The following DSE variants were observed in gnomAD, a reference collection of about 807,000 sequenced individuals.
The protein encoded by DSE is dermatan sulfate epimerase.
A neutral mutation model predicts 84.4 loss-of-function variants in DSE; 36 were observed. The observed-to-expected ratio is 0.43, with a 90% CI of 0.33 to 0.56. The LOEUF (loss-of-function observed/expected upper bound fraction) is 0.56, where lower values mean the gene tolerates loss of function less well. Among genes scored for constraint, DSE ranks in the 20% least tolerant of loss-of-function variants. The pLI, the probability that DSE is intolerant of heterozygous loss-of-function variation, is 0.06. For synonymous variants in DSE, 410 were observed against 430.1 expected (o/e 0.95, Z 0.58); for missense variants, 862 against 1,169.6 (o/e 0.74, Z 3.84).
chr6:116,297,659 T>C (rs962412192), intron 2 of DSE, among the ~76,000 whole-genome samples: 4 of 152,206 alleles, frequency 2.6e-5, no homozygotes, highest in South Asian at 4.1e-4. Flanking sequence ...TTTATCTACT[T>C]CCAAGGTTCT....
chr6:116,358,721 A>G (rs1482355222), intron 2 of DSE, among the ~76,000 whole-genome samples: 5 of 152,224 alleles, frequency 3.3e-5, no homozygotes, highest in African/African-American at 1.2e-4. Flanking sequence ...TCTATTTGCT[A>G]CAGTTTCCTT....
chr6:116,369,825 A>G, upstream of DSE: 1 of 1,066,168 alleles, frequency 9.4e-7, no homozygotes, highest in Admixed American at 2.5e-5. Flanking sequence ...GGCCAAATAG[A>G]AGTGAGAACC....
intron 2 of DSE, among the ~76,000 whole-genome samples, chr6:116,285,313 G>A (rs1773821014): frequency 6.6e-6 from 1 of 152,184 alleles, no homozygotes; most frequent in Admixed American, 6.5e-5. Flanking sequence ...CTGTATAAAT[G>A]TCTTCTTTTG....
intron 1 of DSE, among the ~76,000 whole-genome samples, chr6:116,378,431 G>A (rs1418196497): frequency 3.3e-5 from 5 of 152,014 alleles, no homozygotes; most frequent in African/African-American, 1.2e-4. Flanking sequence ...TTACATAGAA[G>A]ATGCCTTTAC....
chr6:116,332,345 A>G (rs1776999070), intron 2 of DSE, among the ~76,000 whole-genome samples: 1 of 151,606 alleles, frequency 6.6e-6, no homozygotes, highest in Non-Finnish European at 1.5e-5. Context: ...TTTAGATCCA[A>G]AGAAATTCAA....
chr6:116,316,799 T>TTTC (rs886298064), intron 2 of DSE, among the ~76,000 whole-genome samples: 78 of 143,520 alleles, frequency 5.4e-4, no homozygotes, highest in African/African-American at 2.0e-3. Flanking sequence ...TTTTTGCTTA[T>TTTC]TTCTTCTTCT....
upstream of DSE, chr6:116,366,168 G>A (rs557045016): frequency 6.6e-6 from 1 of 152,348 alleles, no homozygotes; most frequent in Non-Finnish European, 1.5e-5. Context: ...ATGAGAAAGT[G>A]GAACTCAACA....
chr6:116,321,751 G>A (rs1020665698), intron 2 of DSE, among the ~76,000 whole-genome samples: 3 of 152,170 alleles, frequency 2.0e-5, no homozygotes, highest in Non-Finnish European at 4.4e-5. Flanking sequence ...TCCAGCCCGG[G>A]TGGACAGTGT....
intron 2 of DSE, among the ~76,000 whole-genome samples, chr6:116,360,373 A>C: frequency 6.6e-6 from 1 of 151,210 alleles, no homozygotes; most frequent in South Asian, 2.1e-4. Context: ...AAGGTAAGGA[A>C]TATTTATCTG....
chr6:116,433,941 T>C (rs574724810), intron 5 of DSE, among the ~76,000 whole-genome samples: 2 of 152,184 alleles, frequency 1.3e-5, no homozygotes, highest in African/African-American at 4.8e-5. Context: ...TTTTACATCA[T>C]TTTTTGAAAG....
intron 2 of DSE, among the ~76,000 whole-genome samples, chr6:116,363,974 T>C (rs559014555): frequency 2.5e-4 from 38 of 152,362 alleles, no homozygotes; most frequent in African/African-American, 8.4e-4. Flanking sequence ...AAAGAAAATC[T>C]GGCTAGGAAT....
chr6:116,435,590 T>C lies in DSE; in HGVS notation c.1122T>C (p.Tyr374=). 6.4e-7 allele frequency: 1 copy of C among 1,569,346 alleles called. No homozygotes were observed. The highest frequency in any genetic ancestry group is 8.6e-7 in the Non-Finnish European group (1 of 1,158,962). The part of the protein sequence containing the change: ...WCTLHTEFLW[Y]DGSLKSVPPP... ...AATTTTTCAAAATTAATTTCAGGTA[T>C]GATGGCAGCTTGAAATCGGTTCCTC... Residue 374 remains tyrosine (Y), a synonymous_variant, in exon 6 of 6, where the codon TAT becomes TAC. Transcript: ENST00000644252.
At chr6:116,414,973 G>T (rs1012599444) in intron 2 of DSE, among the ~76,000 whole-genome samples, 2 of 152,164 alleles carry the variant, frequency 1.3e-5, no homozygotes, top group African/African-American at 4.8e-5. Flanking sequence ...AAGTAATGCT[G>T]CATCTTTTTG....
At chr6:116,258,885 C>G (rs1461826488) in exon 2 of DSE, 2 of 1,605,664 alleles carry the variant, frequency 1.2e-6, no homozygotes, top group Non-Finnish European at 1.7e-6. Context: ...AGCCGTGCAT[C>G]ATCATGGAGT....
chr6:116,399,266 C>A lies in DSE; in HGVS notation c.16C>A (p.Arg6=), dbSNP rs778735094. 2.9e-5 allele frequency: 46 copies of A among 1,613,762 alleles called. No individual in the cohort carries two copies. The highest frequency in any genetic ancestry group is 3.7e-5 in the Non-Finnish European group (44 of 1,180,040). MRTHT[R]GAPSVFFIYL... is the part of the protein sequence containing the mutation. Reference sequence around the variant, plus strand: ...TGATGCCACGATGAGGACTCACACACGGGGGGCTCCCAGTGTGTTTTTCAT... The same window carrying A: ...TGATGCCACGATGAGGACTCACACAAGGGGGGCTCCCAGTGTGTTTTTCAT... The change falls in exon 2 of 6, where the codon CGG becomes AGG. Residue 6 remains arginine (R), a synonymous_variant. Transcript: ENST00000644252.
At chr6:116,279,886 C>G (rs946182426) in intron 2 of DSE, 29 of 1,612,036 alleles carry the variant, frequency 1.8e-5, no homozygotes, top group Non-Finnish European at 2.3e-5. Flanking sequence ...AGAGGCCGAA[C>G]TGGGAGCTAA....
chr6:116,415,473 T>C (rs1205832044), intron 2 of DSE, among the ~76,000 whole-genome samples: 1 of 152,132 alleles, frequency 6.6e-6, no homozygotes, highest in Non-Finnish European at 1.5e-5. Flanking sequence ...TGGAAACTTA[T>C]CCCCTTTAGT....
chr6:116,294,453 C>G (rs1774528478), intron 2 of DSE, among the ~76,000 whole-genome samples: 1 of 152,174 alleles, frequency 6.6e-6, no homozygotes, highest in Admixed American at 6.5e-5. Flanking sequence ...TAGAAATGCT[C>G]CTATATTCAT....
chr6:116,360,584 T>A (rs577916071), intron 2 of DSE, among the ~76,000 whole-genome samples: 53 of 152,168 alleles, frequency 3.5e-4, no homozygotes, highest in Non-Finnish European at 6.0e-4. Context: ...TAGTGTTAAC[T>A]CTCAGTCCCT....
Sources: gnomAD v4.1 joint callset for allele counts (sites outside exome capture counted in the v4.1 genomes callset) on GRCh38, gnomAD v4.1.1 for gene constraint, MANE v1.5 for transcripts, NCBI Gene and HGNC (gene_info 2026-07-23, HGNC 2026-07-21) for gene names.